The following DENND4C variants were observed in gnomAD, a reference collection of about 807,000 sequenced individuals.
DENND4C encodes the protein DENN domain-containing protein 4C.
In DENND4C, 108 loss-of-function variants were observed where a neutral mutation model predicts 203.0. The observed-to-expected ratio is 0.53, with a 90% confidence interval of 0.46 to 0.62. DENND4C has a LOEUF of 0.62. Among genes scored for constraint, DENND4C ranks in the 20% least tolerant of loss-of-function variants. The pLI, the probability that DENND4C is intolerant of heterozygous loss-of-function variation, is 0.00. For synonymous variants in DENND4C, 871 were observed against 792.4 expected (o/e 1.10, Z -1.67); for missense variants, 2,481 against 2,301.2 (o/e 1.08, Z -1.60).
chr9:19,265,581 C>T (rs1280622265), intron 1 of DENND4C, among the ~76,000 whole-genome samples: 1 of 151,992 alleles, frequency 6.6e-6, no homozygotes, highest in Non-Finnish European at 1.5e-5. Context: ...TTAGGTATAT[C>T]TCCTAATGCT....
intron 30 of DENND4C, among the ~76,000 whole-genome samples, chr9:19,364,512 A>C (rs574096180): frequency 6.6e-6 from 1 of 152,132 alleles, no homozygotes; most frequent in Non-Finnish European, 1.5e-5. Context: ...TCATGTCTCT[A>C]TCTAGCACCC....
intron 10 of DENND4C, among the ~76,000 whole-genome samples, chr9:19,311,626 C>T (rs976085065): frequency 1.3e-5 from 2 of 152,020 alleles, no homozygotes; most frequent in African/African-American, 4.8e-5. Flanking sequence ...AGACTTTTCA[C>T]GGAAAATCAA....
chr9:19,240,128 C>T (rs796967837), intron 1 of DENND4C, among the ~76,000 whole-genome samples: 16 of 152,172 alleles, frequency 1.1e-4, no homozygotes, highest in African/African-American at 3.9e-4. Context: ...AGTAATTTAA[C>T]TAGGGGGATA....
intron 1 of DENND4C, among the ~76,000 whole-genome samples, chr9:19,274,786 A>G (rs1588811918): frequency 6.6e-6 from 1 of 152,208 alleles, no homozygotes; most frequent in African/African-American, 2.4e-5. Context: ...TGCTTTAATG[A>G]TATTTATTAC....
Position 19,353,203 on chromosome 9 carries a change from A to G in DENND4C, c.4781+538A>G, listed in dbSNP as rs578250596. Among the ~76,000 whole-genome samples the G allele has an allele frequency of 2.0e-3, 309 of 152,356 alleles. 1 individual carries two copies. The highest frequency in any genetic ancestry group is 6.8e-3 in the African/African-American group (283 of 41,584). ...AATTCTAGGCAATAGATATAAGACT[A>G]GCTGATCTATAATTATACATAAAAT... On this transcript the variant is annotated intron_variant, in intron 26 of 32. Transcript: ENST00000434457.
chr9:19,366,339 C>T (rs1035114523), intron 30 of DENND4C, among the ~76,000 whole-genome samples: 101 of 152,264 alleles, frequency 6.6e-4, no homozygotes, highest in African/African-American at 2.4e-3. Context: ...CAGTGGCTCA[C>T]GCCTGTAATC....
intron 9 of DENND4C, among the ~76,000 whole-genome samples, chr9:19,304,650 C>T (rs1839292073): frequency 6.6e-6 from 1 of 151,854 alleles, no homozygotes. Context: ...CATTCTCCTG[C>T]CTCAGCCTCC....
chr9:19,361,712 A>G (rs568667993), intron 29 of DENND4C, 134 bp from the exon 30 acceptor site: 2 of 520,754 alleles, frequency 3.8e-6, no homozygotes, highest in Non-Finnish European at 6.8e-6. Flanking sequence ...CATTAATAAA[A>G]ATTAAAATTT....
chr9:19,329,714 T>C (rs1056588561), intron 16 of DENND4C, among the ~76,000 whole-genome samples: 2 of 152,194 alleles, frequency 1.3e-5, no homozygotes, highest in Non-Finnish European at 2.9e-5. Context: ...CAATTCTTGT[T>C]ATTGTTTGTC....
At chr9:19,275,985 T>G (rs894766517) in intron 1 of DENND4C, among the ~76,000 whole-genome samples, 173 bp from the exon 2 acceptor site, 1 of 152,238 alleles carries the variant, frequency 6.6e-6, no homozygotes, top group Non-Finnish European at 1.5e-5. Flanking sequence ...ACTTGTACTT[T>G]TGCTTTTACC....
chr9:19,318,926 T>A (rs1199195920), intron 12 of DENND4C, among the ~76,000 whole-genome samples: 3 of 152,148 alleles, frequency 2.0e-5, no homozygotes, highest in Non-Finnish European at 4.4e-5. Context: ...CCCAGCACTT[T>A]GGGAGGCCAA....
chr9:19,327,396 A>G (rs940972719), intron 15 of DENND4C, among the ~76,000 whole-genome samples: 5 of 152,068 alleles, frequency 3.3e-5, no homozygotes, highest in African/African-American at 1.2e-4. Context: ...TGTATGTTTA[A>G]GTATAATCTT....
At chr9:19,340,920 T>TGC in intron 20 of DENND4C, 72 bp from the exon 21 acceptor site, 1 of 1,292,632 alleles carries the variant, frequency 7.7e-7, no homozygotes, top group South Asian at 2.1e-5. Flanking sequence ...AGTGGAATTT[T>TGC]CTTGTGATTT....
At position 19,354,536 on chromosome 9, in the gene DENND4C, T is replaced by C. The variant is rs146638295; in HGVS notation, c.4781+1871T>C. On this transcript the variant is annotated intron_variant, in intron 26 of 32. Coordinates refer to ENST00000434457, the MANE Select transcript of DENND4C (RefSeq NM_001330640.2). ...ACAAATTTGAGTGTCTCTTCATTAC[T>C]TGTTATTCTAGCCTTTTTTTTTTTT... Among the ~76,000 whole-genome samples, 968 of 150,082 alleles carry C rather than the reference T, an allele frequency of 6.4e-3. 9 individuals are homozygous for C. Among genetic ancestry groups the C allele is most frequent in the African/African-American group, 0.022 (915 of 40,802 alleles).
chr9:19,262,363 G>T (rs58724263), intron 1 of DENND4C, among the ~76,000 whole-genome samples: 8,155 of 150,530 alleles, frequency 0.054, 360 homozygotes, highest in African/African-American at 0.12. Flanking sequence ...GCTGGGATTA[G>T]AGGCGTGAGC....
intron 1 of DENND4C, among the ~76,000 whole-genome samples, chr9:19,235,705 G>T (rs1342288682): frequency 1.4e-5 from 2 of 144,790 alleles, no homozygotes; most frequent in African/African-American, 5.0e-5. Context: ...CCTCCTCCCG[G>T]GTTCATGCCA....
At chr9:19,362,603 T>C (rs958841468) in intron 30 of DENND4C, among the ~76,000 whole-genome samples, 9 of 152,220 alleles carry the variant, frequency 5.9e-5, no homozygotes, top group African/African-American at 2.2e-4. Context: ...CTGACCTGTT[T>C]TTTAATTGTG....
At chr9:19,290,594 C>T (rs1836091056) in intron 4 of DENND4C, 110 bp from the exon 5 acceptor site, 4 of 703,074 alleles carry the variant, frequency 5.7e-6, no homozygotes, top group Non-Finnish European at 8.2e-6. Flanking sequence ...AAATACCACA[C>T]AAGTATTGCC....
At chr9:19,371,041 G>A (rs1260503205) in intron 31 of DENND4C, among the ~76,000 whole-genome samples, 1 of 152,188 alleles carries the variant, frequency 6.6e-6, no homozygotes, top group Non-Finnish European at 1.5e-5. Context: ...GGACAGGAAT[G>A]TAATATTAGA....
Sources: allele counts gnomAD v4.1 joint callset (sites outside exome capture counted in the v4.1 genomes callset), GRCh38; gene constraint gnomAD v4.1.1; transcripts MANE v1.5; gene names NCBI Gene and HGNC (gene_info 2026-07-23, HGNC 2026-07-21).